Variants in SMARCAL1 observed in about 807,000 individuals in gnomAD.
SMARCAL1 encodes the protein ATP-driven annealing helicase.
SMARCAL1 carries 58 observed loss-of-function variants against 94.5 expected under a neutral mutation model. That is an observed-to-expected ratio of 0.61 (90% confidence interval 0.50 to 0.76). The LOEUF (loss-of-function observed/expected upper bound fraction) is 0.76. Among genes scored for constraint, SMARCAL1 ranks in the 30% least tolerant of loss-of-function variants. SMARCAL1 has a pLI of 0.00. For missense variants in SMARCAL1, 1,051 were observed against 1,177.9 expected (o/e 0.89, Z 1.58); for synonymous variants, 422 against 455.1 (o/e 0.93, Z 0.93).
chr2:216,442,288 A>C (rs2106044649), intron 10 of SMARCAL1, among the ~76,000 whole-genome samples: 1 of 152,082 alleles, frequency 6.6e-6, no homozygotes, highest in Admixed American at 6.6e-5. Context: ...ATGGTGGCAC[A>C]CACCTGTAAT....
At chr2:216,443,891 C>T (rs1215189131) in intron 10 of SMARCAL1, among the ~76,000 whole-genome samples, 1 of 152,192 alleles carries the variant, frequency 6.6e-6, no homozygotes, top group Admixed American at 6.5e-5. Context: ...GTCTCCCTCC[C>T]CGACTCCAAG....
At chr2:216,417,501 G>A (rs1238062875) in intron 4 of SMARCAL1, among the ~76,000 whole-genome samples, 1 of 152,144 alleles carries the variant, frequency 6.6e-6, no homozygotes, top group East Asian at 1.9e-4. Context: ...AATCCCTAGG[G>A]TCTCTCCCTT....
In SMARCAL1 at chr2:216,438,479, C is replaced by T; in HGVS notation, c.1704C>T (p.Val568=). The change falls in exon 10 of 18, where the codon GTC becomes GTT. Residue 568 remains valine (V), a synonymous_variant. Transcript: ENST00000357276. ...CCCGCTGTCGAGCAGCTATGCCGGT[C>T]CTAAAGGTGAGTACTTCTGAGAACT... The part of the protein sequence containing the change: ...RTARCRAAMP[V]LKVAKRVILL... 3.1e-6 allele frequency: 5 copies of T among 1,613,698 alleles called. No individual in the cohort carries two copies. Among genetic ancestry groups the T allele is most frequent in the Non-Finnish European group, 4.2e-6 (5 of 1,179,750 alleles).
intron 12 of SMARCAL1, among the ~76,000 whole-genome samples, chr2:216,453,961 A>G (rs1399628770): frequency 6.6e-6 from 1 of 152,248 alleles, no homozygotes; most frequent in Non-Finnish European, 1.5e-5. Context: ...AATAATGGAT[A>G]TCGCTTCACA....
At chr2:216,426,688 A>G (rs966125854) in intron 6 of SMARCAL1, among the ~76,000 whole-genome samples, 13 of 152,182 alleles carry the variant, frequency 8.5e-5, no homozygotes, top group African/African-American at 3.1e-4. Flanking sequence ...AAAATGACCC[A>G]TTATGGAATT....
rs1006535460 is a variant in SMARCAL1 at position 216,482,417 on chromosome 2, A to C, written c.2626-321A>C. ...TCTTGGGTGCTATTTCAGTATTGAAATAATGATTTGGAAAGTTCAAAGGGA... is the reference window on the plus strand; with the variant it reads ...TCTTGGGTGCTATTTCAGTATTGAACTAATGATTTGGAAAGTTCAAAGGGA... On this transcript the variant is annotated intron_variant, in intron 17 of 17. Transcript: ENST00000357276. This position sits in a 1 kb window ranked among gnomAD's most constrained non-coding sequence, Gnocchi z 4.3. Among the ~76,000 whole-genome samples, 3 of 152,382 alleles carry C rather than the reference A, an allele frequency of 2.0e-5. 1 individual carries two copies.
At chr2:216,441,523 C>T (rs1694195844) in intron 10 of SMARCAL1, among the ~76,000 whole-genome samples, 1 of 152,178 alleles carries the variant, frequency 6.6e-6, no homozygotes, top group Non-Finnish European at 1.5e-5. Flanking sequence ...CATCATTTTT[C>T]AATAACTATG....
At chr2:216,477,068 T>G (rs1695099079) in intron 15 of SMARCAL1, 41 bp from the exon 16 acceptor site, 1 of 1,498,858 alleles carries the variant, frequency 6.7e-7, no homozygotes, top group South Asian at 1.2e-5. Flanking sequence ...ATGGAACTGC[T>G]TCAGGCCTTT....
At chr2:216,468,685 T>G (rs1025380493) in intron 14 of SMARCAL1, among the ~76,000 whole-genome samples, 10 of 152,228 alleles carry the variant, frequency 6.6e-5, no homozygotes, top group African/African-American at 2.4e-4. Context: ...CAAATACCCA[T>G]GTATCTCCCA....
In SMARCAL1 at chr2:216,438,480, C is replaced by T. The variant is rs764534644; in HGVS notation, c.1705C>T (p.Leu569=). The change falls in exon 10 of 18, where the codon CTA becomes TTA. Residue 569 remains leucine (L), a synonymous_variant. Coordinates refer to ENST00000357276, the MANE Select transcript of SMARCAL1 (RefSeq NM_014140.4). ...CCGCTGTCGAGCAGCTATGCCGGTCCTAAAGGTGAGTACTTCTGAGAACTG... is the reference window on the plus strand; with the variant it reads ...CCGCTGTCGAGCAGCTATGCCGGTCTTAAAGGTGAGTACTTCTGAGAACTG... ...TARCRAAMPV[L]KVAKRVILLS... The T allele has an allele frequency of 1.9e-6, 3 of 1,613,640 alleles. No homozygotes were observed. The highest frequency in any genetic ancestry group is 1.3e-5 in the African/African-American group (1 of 74,918).
chr2:216,435,510 C>T lies in SMARCAL1; in HGVS notation c.1644+14C>T. ...GTTGTCATCATTGTAAGAAACTTGG[C>T]AAAGTCTTTAAGTACTTTATCTCTC... On this transcript the variant is annotated intron_variant, in intron 9 of 17. Transcript: ENST00000357276. 1 of 1,611,872 alleles carries T rather than the reference C, an allele frequency of 6.2e-7. No homozygotes were observed. The highest frequency in any genetic ancestry group is 8.5e-7 in the Non-Finnish European group (1 of 1,177,970).
Position 216,482,661 on chromosome 2 carries a change from A to C in SMARCAL1, c.2626-77A>C. On this transcript the variant is annotated intron_variant, in intron 17 of 17. Transcript: ENST00000357276. The surrounding 1 kb of genome is among the most constrained non-coding windows in gnomAD (Gnocchi z 4.3). ...TGGTCTCTCATCTTTATATTCTCTC[A>C]TCAGCCCTAGTGGAGGAGAGTCAGT... The C allele has an allele frequency of 6.3e-7, 1 of 1,584,802 alleles. No individual in the cohort carries two copies. Among genetic ancestry groups the C allele is most frequent in the Non-Finnish European group, 8.7e-7 (1 of 1,153,986 alleles).
At chr2:216,480,415 G>C (rs1421068458) in intron 17 of SMARCAL1, among the ~76,000 whole-genome samples, 1 of 152,214 alleles carries the variant, frequency 6.6e-6, no homozygotes. Context: ...TCAGCATACA[G>C]TGTTGCCATC....
chr2:216,466,562 G>A (rs1694833211), intron 13 of SMARCAL1, among the ~76,000 whole-genome samples: 1 of 152,006 alleles, frequency 6.6e-6, no homozygotes, highest in Non-Finnish European at 1.5e-5. Context: ...ATTTTAATGG[G>A]CATCTTTTAA....
chr2:216,478,755 A>G (rs1271914933), intron 17 of SMARCAL1, among the ~76,000 whole-genome samples: 2 of 152,194 alleles, frequency 1.3e-5, no homozygotes, highest in African/African-American at 4.8e-5. Flanking sequence ...TAGAGGGGTA[A>G]ACTGAGACAT....
intron 12 of SMARCAL1, among the ~76,000 whole-genome samples, chr2:216,456,568 C>T (rs976144446): frequency 3.3e-5 from 5 of 151,588 alleles, no homozygotes; most frequent in African/African-American, 4.8e-5. Flanking sequence ...GAATTTTCAA[C>T]CCAGAATTTC....
chr2:216,427,249 C>T (rs1010130018), intron 6 of SMARCAL1: 7 of 152,216 alleles, frequency 4.6e-5, no homozygotes, highest in African/African-American at 1.7e-4. Context: ...TAGAGACAGT[C>T]GTTGTCAGGG....
At chr2:216,474,914 A>G (rs950089548) in intron 14 of SMARCAL1, among the ~76,000 whole-genome samples, 3 of 152,220 alleles carry the variant, frequency 2.0e-5, no homozygotes, top group African/African-American at 7.2e-5. Context: ...GAAAACCTAC[A>G]CAGGTGATAA....
intron 12 of SMARCAL1, among the ~76,000 whole-genome samples, chr2:216,458,457 A>T (rs1694621086): frequency 6.6e-6 from 1 of 152,260 alleles, no homozygotes; most frequent in African/African-American, 2.4e-5. Context: ...AACCGAATCC[A>T]GCAACACATC....
Sources: allele counts gnomAD v4.1 joint callset (sites outside exome capture counted in the v4.1 genomes callset), GRCh38; gene constraint gnomAD v4.1.1; non-coding constraint Gnocchi (gnomAD v3.1); transcripts MANE v1.5; gene names NCBI Gene and HGNC (gene_info 2026-07-23, HGNC 2026-07-21).